Variants in SMPD3 observed in about 807,000 individuals in gnomAD.
The protein encoded by SMPD3 is sphingomyelin phosphodiesterase 3.
A neutral mutation model predicts 55.7 loss-of-function variants in SMPD3; 21 were observed. The observed-to-expected ratio is 0.38, with a 90% CI of 0.27 to 0.54. The LOEUF is 0.54. Among genes scored for constraint, SMPD3 ranks in the 20% least tolerant of loss-of-function variants. The probability of loss-of-function intolerance (pLI) is 0.80; values close to 1 mark genes in which losing one functional copy is unlikely to be tolerated. For synonymous variants in SMPD3, 457 were observed against 404.3 expected, an observed-to-expected ratio of 1.13 and a Z score of -1.56; for missense variants, 842 against 899.6, an observed-to-expected ratio of 0.94 and a Z score of 0.82.
chr16:68,387,905 G>A (rs565722458), intron 1 of SMPD3, among the ~76,000 whole-genome samples: 4 of 152,318 alleles, frequency 2.6e-5, no homozygotes, highest in South Asian at 2.1e-4. Context: ...TGGCAGGAGC[G>A]CCTCCTCTGC....
chr16:68,397,264 C>T (rs2152008428), intron 1 of SMPD3, among the ~76,000 whole-genome samples: 1 of 152,226 alleles, frequency 6.6e-6, no homozygotes, highest in East Asian at 1.9e-4. Context: ...CTCTTACCTG[C>T]CTCCTCCTCT....
chr16:68,370,728 G>A (rs111735719), intron 3 of SMPD3, 131 bp downstream of exon 3: 40 of 1,217,770 alleles, frequency 3.3e-5, no homozygotes, highest in African/African-American at 1.4e-4. Context: ...AGGAAAGACC[G>A]CGTCTGCCTC....
At chr16:68,390,342 C>T (rs2090100114) in intron 1 of SMPD3, among the ~76,000 whole-genome samples, 1 of 152,192 alleles carries the variant, frequency 6.6e-6, no homozygotes, top group South Asian at 2.1e-4. Flanking sequence ...CTTGTGCTGA[C>T]CTCCTATCTC....
intron 1 of SMPD3, among the ~76,000 whole-genome samples, chr16:68,418,217 C>T (rs766095039): frequency 7.0e-4 from 107 of 152,166 alleles, no homozygotes; most frequent in African/African-American, 2.3e-3. Flanking sequence ...TCACAGCAGA[C>T]GGTGTGCCGC....
chr16:68,406,886 G>A (rs1424238352), intron 1 of SMPD3, among the ~76,000 whole-genome samples: 1 of 152,198 alleles, frequency 6.6e-6, no homozygotes, highest in Non-Finnish European at 1.5e-5. Flanking sequence ...ACAGTCAGCT[G>A]GCAGGAATGA....
At chr16:68,403,787 C>T (rs936356362) in intron 1 of SMPD3, among the ~76,000 whole-genome samples, 3 of 152,180 alleles carry the variant, frequency 2.0e-5, no homozygotes, top group Non-Finnish European at 4.4e-5. Context: ...GGGCCTCATG[C>T]GTTGAAGAAT....
At chr16:68,440,942 T>C (rs2090560670) in intron 1 of SMPD3, among the ~76,000 whole-genome samples, 1 of 152,268 alleles carries the variant, frequency 6.6e-6, no homozygotes, top group Admixed American at 6.5e-5. Context: ...CATTGTATGC[T>C]TATGTAAATG....
intron 1 of SMPD3, among the ~76,000 whole-genome samples, chr16:68,445,443 A>G (rs577350673): frequency 1.3e-5 from 2 of 152,348 alleles, no homozygotes; most frequent in Non-Finnish European, 2.9e-5. Flanking sequence ...CATAGAGGTG[A>G]AGACAGCAGC....
chr16:68,448,087 C>T (rs1699250858), intron 1 of SMPD3, among the ~76,000 whole-genome samples: 1 of 152,168 alleles, frequency 6.6e-6, no homozygotes, highest in Non-Finnish European at 1.5e-5. Flanking sequence ...TCCAAGCCTC[C>T]TCGCTCTCCC....
At chr16:68,436,583 A>G (rs1481130174) in intron 1 of SMPD3, among the ~76,000 whole-genome samples, 1 of 152,212 alleles carries the variant, frequency 6.6e-6, no homozygotes, top group East Asian at 1.9e-4. Context: ...ATGTTGATGA[A>G]TTCACAACGC....
chr16:68,423,155 C>T (rs1328551937), intron 1 of SMPD3, among the ~76,000 whole-genome samples: 2 of 152,126 alleles, frequency 1.3e-5, no homozygotes, highest in African/African-American at 4.8e-5. Context: ...AGGATTTTGA[C>T]CAAGGTTTTC....
At chr16:68,364,726 T>C in intron 5 of SMPD3, 25 bp downstream of exon 5, 2 of 1,600,216 alleles carry the variant, frequency 1.2e-6, no homozygotes, top group Non-Finnish European at 1.7e-6. Flanking sequence ...GCTGGAGACC[T>C]GAGTGGGGAG....
chr16:68,408,917 C>A (rs865843262), intron 1 of SMPD3, among the ~76,000 whole-genome samples: 1 of 152,094 alleles, frequency 6.6e-6, no homozygotes, highest in East Asian at 1.9e-4. Context: ...TGGGCACAAT[C>A]CTGAAGTGGG....
chr16:68,424,518 T>A (rs550180759), intron 1 of SMPD3, among the ~76,000 whole-genome samples: 2 of 152,252 alleles, frequency 1.3e-5, no homozygotes, highest in African/African-American at 4.8e-5. Context: ...ATTTTACTTA[T>A]GAACCCCAAT....
At chr16:68,443,174 C>T (rs986103516) in intron 1 of SMPD3, among the ~76,000 whole-genome samples, 1 of 152,176 alleles carries the variant, frequency 6.6e-6, no homozygotes, top group African/African-American at 2.4e-5. Context: ...TTTAGGAGGA[C>T]AAGACTTGTG....
intron 2 of SMPD3, among the ~76,000 whole-genome samples, chr16:68,385,574 C>T (rs2090039049): frequency 3.9e-5 from 6 of 152,178 alleles, no homozygotes; most frequent in Admixed American, 3.9e-4. Flanking sequence ...GTCACCACCA[C>T]CTTGGATCCC....
intron 1 of SMPD3, among the ~76,000 whole-genome samples, chr16:68,438,073 G>C (rs147450297): frequency 1.3e-5 from 2 of 152,304 alleles, no homozygotes; most frequent in African/African-American, 4.8e-5. Flanking sequence ...GGAGGCAGCT[G>C]CTCAGGAGTG....
chr16:68,434,302 G>C (rs1367497652), intron 1 of SMPD3, among the ~76,000 whole-genome samples: 1 of 152,104 alleles, frequency 6.6e-6, no homozygotes, highest in Non-Finnish European at 1.5e-5. Context: ...TATTTCTAAC[G>C]GTAACAAATT....
chr16:68,407,759 G>A (rs775150096), intron 1 of SMPD3, among the ~76,000 whole-genome samples: 2 of 152,088 alleles, frequency 1.3e-5, no homozygotes, highest in Non-Finnish European at 2.9e-5. Flanking sequence ...ATGCCTTATT[G>A]TTTGGGCTGG....
Sources: gnomAD v4.1 joint callset for allele counts (sites outside exome capture counted in the v4.1 genomes callset) on GRCh38, gnomAD v4.1.1 for gene constraint, MANE v1.5 for transcripts, NCBI Gene and HGNC (gene_info 2026-07-23, HGNC 2026-07-21) for gene names.